The following ATP10A variants were observed in gnomAD, a reference collection of about 807,000 sequenced individuals.
The protein encoded by ATP10A is ATPase phospholipid transporting 10A (putative), also known as phospholipid-transporting ATPase VA.
ATP10A carries 111 observed loss-of-function variants against 147.8 expected under a neutral mutation model. The observed-to-expected ratio is 0.75, with a 90% CI of 0.64 to 0.88. The LOEUF (loss-of-function observed/expected upper bound fraction) is 0.88, where lower values mean the gene tolerates loss of function less well. Ranked by LOEUF, ATP10A falls within the 40% of genes least tolerant of loss-of-function variation. The pLI, the probability that ATP10A is intolerant of heterozygous loss-of-function variation, is 0.00. For synonymous variants in ATP10A, 875 were observed against 841.6 expected, an observed-to-expected ratio of 1.04 and a Z score of -0.69; for missense variants, 1,927 against 1,959.0, an observed-to-expected ratio of 0.98 and a Z score of 0.31.
chr15:25,763,336 C>T (rs1311090507), intron 2 of ATP10A, among the ~76,000 whole-genome samples: 1 of 152,162 alleles, frequency 6.6e-6, no homozygotes, highest in African/African-American at 2.4e-5. Context: ...ATCTGTTGGT[C>T]TTGAATATCA....
intron 1 of ATP10A, among the ~76,000 whole-genome samples, chr15:25,860,533 G>T (rs1220638620): frequency 1.3e-5 from 2 of 152,204 alleles, no homozygotes; most frequent in East Asian, 3.9e-4. Flanking sequence ...ACAATAAACA[G>T]AAGTAGGGCA....
At chr15:25,727,011 C>T (rs565612529) in intron 4 of ATP10A, 149 bp downstream of exon 4, 5 of 550,868 alleles carry the variant, frequency 9.1e-6, no homozygotes, top group South Asian at 2.3e-5. Flanking sequence ...GAGCCGAGAT[C>T]GCGCCACTGC....
At chr15:25,681,137 T>C (rs1372513603) in intron 17 of ATP10A, 63 bp from the exon 18 acceptor site, 1 of 1,526,158 alleles carries the variant, frequency 6.6e-7, no homozygotes, top group African/African-American at 1.4e-5. Context: ...TGAAAGCAGT[T>C]AGAATAAAAA....
chr15:25,698,168 G>T (rs542575265), intron 13 of ATP10A, among the ~76,000 whole-genome samples: 10 of 152,142 alleles, frequency 6.6e-5, no homozygotes, highest in Non-Finnish European at 1.0e-4. Context: ...ATCAACATTG[G>T]CTCCTTAATG....
rs759074513 is a variant in ATP10A at position 25,708,291 on chromosome 15, CT to C, written c.2353del (p.Arg785GlufsTer34). On this transcript the variant is annotated frameshift_variant, in exon 11 of 21. Coordinates refer to ENST00000555815, the MANE Select transcript of ATP10A (RefSeq NM_024490.4). LOFTEE classifies it high-confidence loss of function. ...LLQPCSSVDARGRHQKKIRSK... is the reference protein window; with the variant it reads ...LLQPCSSVDAXGRHQKKIRSK... ...CCGAATCTTTTTTTGATGCCTCCCTCTGGCGTCAACTAGGTTGGAGAATAAG... is the reference window on the plus strand; with the variant it reads ...CCGAATCTTTTTTTGATGCCTCCCTCGGCGTCAACTAGGTTGGAGAATAAG... The C allele has an allele frequency of 3.1e-6, 5 of 1,614,002 alleles. No homozygotes were observed.
intron 13 of ATP10A, among the ~76,000 whole-genome samples, chr15:25,700,557 AG>A (rs1321885023): frequency 3.9e-5 from 6 of 152,334 alleles, no homozygotes; most frequent in Non-Finnish European, 8.8e-5. Context: ...TGTTATGCTG[AG>A]TGACAGAAGC....
chr15:25,705,440 C>CAAAAAAAAAAAAAAAAAAAAAAAAAA (rs67294220), intron 12 of ATP10A, among the ~76,000 whole-genome samples: 4 of 86,222 alleles, frequency 4.6e-5, no homozygotes, highest in African/African-American at 1.0e-4. Flanking sequence ...TGTCTCAAAG[C>CAAAAAAAAAAAAAAAAAAAAAAAAAA]AAAAAAAAAA....
intron 2 of ATP10A, among the ~76,000 whole-genome samples, chr15:25,777,099 G>A (rs1889650603): frequency 6.7e-6 from 1 of 150,120 alleles, no homozygotes; most frequent in African/African-American, 2.5e-5. Flanking sequence ...ATACGTGCGT[G>A]TGTGTGTGTG....
intron 3 of ATP10A, among the ~76,000 whole-genome samples, chr15:25,727,612 T>C (rs6576445): frequency 0.19 from 28,195 of 152,162 alleles, 3,582 homozygotes; most frequent in African/African-American, 0.33. Flanking sequence ...ACGTGGTCTC[T>C]GTACATCTCC....
rs114698077 is a variant in ATP10A, at chr15:25,713,776, T to G, written c.2242A>C (p.Arg748=). The G allele has an allele frequency of 8.2e-5, 133 of 1,614,114 alleles. No individual in the cohort carries two copies. The East Asian group carries it at 1.2e-3, about 15-fold the overall frequency. Residue 748 remains arginine (R), a synonymous_variant, in exon 10 of 21, where the codon AGG becomes CGG. Transcript: ENST00000555815. ...GGGTGCCGGATCACCACTGACATCC[T>G]CTTGCGGACGGAATCGAAACCCAGT... The part of the protein sequence containing the change: ...HTLGFDSVRK[R]MSVVIRHPLT...
intron 1 of ATP10A, among the ~76,000 whole-genome samples, chr15:25,823,194 G>A (rs75824155): frequency 0.019 from 2,940 of 152,138 alleles, 123 homozygotes; most frequent in East Asian, 0.14. Context: ...AAAGAATCTG[G>A]CTTCAATGGT....
Position 25,718,330 on chromosome 15 carries a change from A to ACCGAGC in ATP10A, c.1427_1432dup (p.Gly476_Ser477dup). The ACCGAGC allele has an allele frequency of 6.2e-7, 1 of 1,610,812 alleles. No homozygotes were observed. Among genetic ancestry groups the ACCGAGC allele is most frequent in the Non-Finnish European group, 8.5e-7 (1 of 1,179,702 alleles). The stretch of plus-strand genomic sequence containing the variant: ...GCTGCCGATGCTGCCGCGCTGGGAC[A>ACCGAGC]CCGAGCCCCCTCTGGGCACCACCTC... On this transcript the variant is annotated inframe_insertion, in exon 8 of 21. Transcript: ENST00000555815.
intron 2 of ATP10A, among the ~76,000 whole-genome samples, chr15:25,743,509 G>A (rs1164562899): frequency 6.6e-6 from 1 of 152,162 alleles, no homozygotes; most frequent in African/African-American, 2.4e-5. Flanking sequence ...GTTGAGGCTG[G>A]GCTTTGAGGT....
At chr15:25,684,388 G>A (rs987284577) in intron 16 of ATP10A, among the ~76,000 whole-genome samples, 2 of 152,158 alleles carry the variant, frequency 1.3e-5, no homozygotes, top group African/African-American at 4.8e-5. Context: ...TCATGACATG[G>A]GCATACCAAT....
chr15:25,794,488 C>T (rs760208355), intron 1 of ATP10A, among the ~76,000 whole-genome samples: 4 of 152,104 alleles, frequency 2.6e-5, no homozygotes, highest in Non-Finnish European at 4.4e-5. Flanking sequence ...GTACCTTAAG[C>T]AAACAAACAC....
rs529162207 is a variant in ATP10A, at chr15:25,698,137, A to G, written c.2761-2991T>C. Among the ~76,000 whole-genome samples the G allele has an allele frequency of 1.4e-4, 22 of 152,214 alleles. 1 individual carries two copies. The highest frequency in any genetic ancestry group is 7.3e-5 in the Non-Finnish European group (5 of 68,042). ...TAGGTAAAAACTAAGGCAATGTATGAACTTCAGAAAGTAATGATGTATCAA... is the reference window on the plus strand; with the variant it reads ...TAGGTAAAAACTAAGGCAATGTATGGACTTCAGAAAGTAATGATGTATCAA... On this transcript the variant is annotated intron_variant, in intron 13 of 20. Transcript: ENST00000555815.
At chr15:25,740,574 G>A (rs561751437) in intron 2 of ATP10A, among the ~76,000 whole-genome samples, 16 of 152,330 alleles carry the variant, frequency 1.1e-4, no homozygotes, top group African/African-American at 3.8e-4. Context: ...TTCTGAAAAC[G>A]CCCTTTGCAT....
intron 1 of ATP10A, among the ~76,000 whole-genome samples, chr15:25,855,541 AACACACACAC>A (rs59597825): frequency 1.8e-4 from 27 of 146,100 alleles, no homozygotes; most frequent in African/African-American, 5.3e-4. Flanking sequence ...TATTGGTTAA[AACACACACAC>A]ACACACACAC....
chr15:25,813,020 C>T (rs749351560), intron 1 of ATP10A, among the ~76,000 whole-genome samples: 1 of 152,178 alleles, frequency 6.6e-6, no homozygotes, highest in Non-Finnish European at 1.5e-5. Context: ...CCTGCAGGCG[C>T]CCTGAATGGA....
Sources: gnomAD v4.1 joint callset for allele counts (sites outside exome capture counted in the v4.1 genomes callset) on GRCh38, gnomAD v4.1.1 for gene constraint, MANE v1.5 for transcripts, NCBI Gene and HGNC (gene_info 2026-07-23, HGNC 2026-07-21) for gene names.